ZNF143: variants seen among roughly 807,000 people sequenced by gnomAD.
ZNF143 encodes the protein zinc finger protein 143, also known as SPH-binding factor.
A neutral mutation model predicts 74.1 loss-of-function variants in ZNF143; 49 were observed. The observed-to-expected ratio is 0.66, with a 90% confidence interval of 0.53 to 0.84. ZNF143 has a LOEUF of 0.84. Among genes scored for constraint, ZNF143 ranks in the 40% least tolerant of loss-of-function variants. The pLI, the probability that ZNF143 is intolerant of heterozygous loss-of-function variation, is 0.00. For synonymous variants in ZNF143, 304 were observed against 282.8 expected (o/e 1.07, Z -0.75); for missense variants, 637 against 793.4 (o/e 0.80, Z 2.37).
chr11:9,514,971 A>G (rs1166721138), intron 13 of ZNF143, among the ~76,000 whole-genome samples: 2 of 152,190 alleles, frequency 1.3e-5, no homozygotes, highest in East Asian at 3.8e-4. Context: ...TCTACTAAAA[A>G]TACAAAATTA....
At chr11:9,482,596 A>G (rs1476616371) in intron 7 of ZNF143, among the ~76,000 whole-genome samples, 2 of 151,340 alleles carry the variant, frequency 1.3e-5, no homozygotes, top group African/African-American at 4.9e-5. Flanking sequence ...CTTTATCTGT[A>G]GACATATTAC....
rs1352186166 is a variant in ZNF143 at position 9,471,320 on chromosome 11, C to T, written c.12C>T (p.Ala4=). 37 of 1,610,066 alleles carry T rather than the reference C, an allele frequency of 2.3e-5. No individual in the cohort carries two copies. The highest frequency in any genetic ancestry group is 2.6e-5 in the Non-Finnish European group (31 of 1,178,686). Residue 4 remains alanine, a synonymous_variant, in exon 2 of 16, where the codon GCC becomes GCT. Coordinates refer to ENST00000396602, the MANE Select transcript of ZNF143 (RefSeq NM_003442.6). ...CTTCAAGGTAGAAGATGTTGTTAGC[C>T]CAAATAAATCGAGATTCTCAGGGAA... MLL[A]QINRDSQGMT...
chr11:9,517,134 C>T (rs937940764), intron 14 of ZNF143, among the ~76,000 whole-genome samples: 5 of 151,752 alleles, frequency 3.3e-5, no homozygotes, highest in African/African-American at 1.2e-4. Context: ...CTATGTTGCC[C>T]AGGCCTTGGC....
At chr11:9,498,319 A>C (rs1055969659) in intron 10 of ZNF143, among the ~76,000 whole-genome samples, 1 of 152,232 alleles carries the variant, frequency 6.6e-6, no homozygotes. Context: ...CGTCCCAGAA[A>C]AGATTAACAG....
intron 12 of ZNF143, among the ~76,000 whole-genome samples, chr11:9,510,218 G>A (rs576650700): frequency 1.3e-5 from 2 of 151,120 alleles, no homozygotes; most frequent in African/African-American, 2.4e-5. Context: ...TTCGCCTCCC[G>A]GGTTCATTCC....
At chr11:9,490,294 CTTTTTTTTTTTTTTGA>C (rs1297880561) in intron 7 of ZNF143, among the ~76,000 whole-genome samples, 1 of 94,014 alleles carries the variant, frequency 1.1e-5, no homozygotes, top group Non-Finnish European at 2.0e-5. Context: ...TTTTTTTTTG[CTTTTTTTTTTTTTTGA>C]GACAGGGTCT....
chr11:9,497,826 ATCT>A, intron 10 of ZNF143, 26 bp downstream of exon 10: 2 of 1,499,628 alleles, frequency 1.3e-6, no homozygotes, highest in Non-Finnish European at 1.8e-6. Flanking sequence ...GAGTGTCAAA[ATCT>A]TTTTTTTTTT....
In ZNF143 at chr11:9,473,944, C is replaced by T. The variant is rs1469105664; in HGVS notation, c.209C>T (p.Ala70Val). ...TAYIQHNSKD[A>V]KLIDGQVIQL... ...TGTCTTGAATCTTTTGTTATAGATGCAAAACTCATAGATGGCCAGGTCATT... is the reference window on the plus strand; with the variant it reads ...TGTCTTGAATCTTTTGTTATAGATGTAAAACTCATAGATGGCCAGGTCATT... The change falls in exon 4 of 16, where the codon GCA becomes GTA. Residue 70 changes from alanine (A) to valine (V), a missense_variant. Ala to Val is a moderately conservative substitution (Grantham distance 64). This residue lies in a region of ZNF143 where 293 missense variants were observed against 307.8 expected (regional missense o/e 0.95). Transcript: ENST00000396602. 9 of 1,613,932 alleles carry T rather than the reference C, an allele frequency of 5.6e-6. No individual in the cohort carries two copies. The East Asian group carries it at 1.1e-4, about 20-fold the overall frequency.
chr11:9,486,414 T>TATATATATAATATATATTATATATA (rs1491546428), intron 7 of ZNF143, among the ~76,000 whole-genome samples: 1 of 24,040 alleles, frequency 4.2e-5, no homozygotes, highest in Non-Finnish European at 7.7e-5. Context: ...ATATATATAA[T>TATATATATAATATATATTATATATA]ATATATTATA....
rs191877043 is a variant in ZNF143 at position 9,499,598 on chromosome 11, G to A, written c.968-1493G>A. Among the ~76,000 whole-genome samples the A allele has an allele frequency of 2.6e-5, 4 of 152,250 alleles. No homozygotes were observed. In the East Asian group the frequency reaches 5.8e-4, roughly 22 times the overall value. ...CATGTGCCTGTGGTCGCAGCTACCC[G>A]GGAGGCTGAGGTGTGAGGATTGCTT... On this transcript the variant is annotated intron_variant, in intron 10 of 15. Transcript: ENST00000396602.
chr11:9,527,385 G>A, intron 15 of ZNF143, 145 bp from the exon 16 acceptor site: 1 of 684,238 alleles, frequency 1.5e-6, no homozygotes, highest in Admixed American at 2.7e-5. Flanking sequence ...TTCTCTTAAT[G>A]TTTGAGTTAG....
intron 15 of ZNF143, among the ~76,000 whole-genome samples, chr11:9,525,661 C>T (rs1334837140): frequency 1.3e-5 from 2 of 152,128 alleles, no homozygotes; most frequent in African/African-American, 4.8e-5. Flanking sequence ...GGCATCTTTA[C>T]TCTCAAAATA....
intron 15 of ZNF143, 115 bp downstream of exon 15, chr11:9,525,501 T>C (rs1236173900): frequency 1.5e-6 from 2 of 1,332,348 alleles, no homozygotes; most frequent in South Asian, 1.2e-5. Flanking sequence ...GAATAATCTC[T>C]ATCACCTAGC....
intron 7 of ZNF143, among the ~76,000 whole-genome samples, chr11:9,485,932 T>TGA: frequency 6.6e-6 from 1 of 151,446 alleles, no homozygotes; most frequent in African/African-American, 2.5e-5. Context: ...TCAACCCTAC[T>TGA]GAGTCTCTCA....
chr11:9,525,888 T>A (rs556281233), intron 15 of ZNF143, among the ~76,000 whole-genome samples: 2 of 152,264 alleles, frequency 1.3e-5, no homozygotes, highest in South Asian at 4.1e-4. Flanking sequence ...ATCCCTATAA[T>A]CCTAGCACTT....
intron 14 of ZNF143, among the ~76,000 whole-genome samples, chr11:9,517,970 C>G (rs1848780697): frequency 6.6e-6 from 1 of 152,152 alleles, no homozygotes; most frequent in African/African-American, 2.4e-5. Flanking sequence ...AAGATATTCA[C>G]ACTATATACA....
chr11:9,479,541 A>G lies in ZNF143; in HGVS notation c.640A>G (p.Met214Val). ...MIGENEQEKK[M>V]QIVLQGHATR... is the part of the protein sequence containing the mutation. ...TGGAGAAAATGAGCAAGAGAAAAAA[A>G]TGCAGGTATGTAAAGCTACTTTTTA... The change falls in exon 7 of 16, where the codon ATG becomes GTG. Residue 214 changes from methionine (M) to valine (V), a missense_variant. Around this residue, in one of 2 missense-constraint regions of ZNF143, gnomAD observed 293 missense variants for 307.8 expected, o/e 0.95. Coordinates refer to ENST00000396602, the MANE Select transcript of ZNF143 (RefSeq NM_003442.6). 6.2e-7 allele frequency: 1 copy of G among 1,612,480 alleles called. No homozygotes were observed. Among genetic ancestry groups the G allele is most frequent in the Middle Eastern group, 1.7e-4 (1 of 6,048 alleles).
rs905340447 is a variant in ZNF143 at position 9,527,677 on chromosome 11, G to A, written c.*64G>A. Reference sequence around the variant, plus strand: ...TCATCTTCTGGCAGCAGAAATCCATGAAGCCCGGGCCCAGGAAAATTAGAA... The same window carrying A: ...TCATCTTCTGGCAGCAGAAATCCATAAAGCCCGGGCCCAGGAAAATTAGAA... On this transcript the variant is annotated 3_prime_UTR_variant, in exon 16 of 16. Coordinates refer to ENST00000396602, the MANE Select transcript of ZNF143 (RefSeq NM_003442.6). 3 of 1,502,390 alleles carry A rather than the reference G, an allele frequency of 2.0e-6. No homozygotes were observed. In the Admixed American group the frequency reaches 5.1e-5, roughly 26 times the overall value. 93.1% of individuals were successfully genotyped at this position (1,502,390 alleles called of 1,614,324 possible).
At position 9,511,331 on chromosome 11, in the gene ZNF143, C is replaced by G. The variant is rs866004353; in HGVS notation, c.1376-1117C>G. 7.0e-4 allele frequency among the ~76,000 whole-genome samples: 104 copies of G among 149,062 alleles called. 1 individual carries two copies. The highest frequency in any genetic ancestry group is 3.5e-3 in the Middle Eastern group (1 of 286). ...TTTGTTATTGAGACAGAGTCTTGCTCTGTCGCCCAGGCTGGAGTGCAGTGG... is the reference window on the plus strand; with the variant it reads ...TTTGTTATTGAGACAGAGTCTTGCTGTGTCGCCCAGGCTGGAGTGCAGTGG... On this transcript the variant is annotated intron_variant, in intron 12 of 15. Coordinates refer to ENST00000396602, the MANE Select transcript of ZNF143 (RefSeq NM_003442.6).
Sources: allele counts gnomAD v4.1 joint callset (sites outside exome capture counted in the v4.1 genomes callset), GRCh38; gene constraint gnomAD v4.1.1; regional missense constraint gnomAD v4.1.1; transcripts MANE v1.5; gene names NCBI Gene and HGNC (gene_info 2026-07-23, HGNC 2026-07-21).